Variants in XKR4 observed in about 807,000 individuals in gnomAD.
The protein encoded by XKR4 is XK-related protein 4.
In XKR4, 12 loss-of-function variants were observed where a neutral mutation model predicts 53.9. The ratio of observed to expected loss-of-function variants is 0.22; its 90% confidence interval spans 0.14 to 0.36. The LOEUF (loss-of-function observed/expected upper bound fraction) is 0.36. Among genes scored for constraint, XKR4 ranks in the 10% least tolerant of loss-of-function variants. The probability of loss-of-function intolerance (pLI) is 1.00; values close to 1 mark genes in which losing one functional copy is unlikely to be tolerated. For synonymous variants in XKR4, 354 were observed against 362.4 expected, an observed-to-expected ratio of 0.98 and a Z score of 0.26; for missense variants, 799 against 859.5, an observed-to-expected ratio of 0.93 and a Z score of 0.88.
chr8:55,164,648 CAT>C (rs1295847124), intron 1 of XKR4: 48 of 316,768 alleles, frequency 1.5e-4, no homozygotes, highest in Admixed American at 9.9e-4. Context: ...ATTTTCCACA[CAT>C]GTTTTAAGTT....
At chr8:55,135,606 T>C (rs1359749151) in intron 1 of XKR4, 1 of 456,128 alleles carries the variant, frequency 2.2e-6, no homozygotes, top group African/African-American at 2.0e-5. Context: ...ATCGGAGCTG[T>C]CTACTGAGGA....
chr8:55,529,169 T>C lies in XKR4; in HGVS notation c.*4942T>C, dbSNP rs1806916055. ...TAATTTTGCTAATTGAAGCAATTAG[T>C]CTAACATGCAAGCAGCCTGCTCTCA... On this transcript the variant is annotated 3_prime_UTR_variant, in exon 3 of 3. Coordinates refer to ENST00000327381, the MANE Select transcript of XKR4 (RefSeq NM_052898.2). The C allele has an allele frequency of 6.6e-6, 1 of 151,606 alleles. No homozygotes were observed. The highest frequency in any genetic ancestry group is 1.5e-5 in the Non-Finnish European group (1 of 67,938). 9.4% of individuals were successfully genotyped at this position (151,606 alleles called of 1,614,324 possible).
intron 2 of XKR4, among the ~76,000 whole-genome samples, chr8:55,407,713 A>G (rs1804708072): frequency 1.3e-5 from 2 of 152,248 alleles, no homozygotes; most frequent in South Asian, 4.1e-4. Context: ...AGAGGTGCTC[A>G]CGGAAAAGAC....
At chr8:55,141,430 C>T (rs1324992924) in intron 1 of XKR4, among the ~76,000 whole-genome samples, 1 of 152,106 alleles carries the variant, frequency 6.6e-6, no homozygotes, top group African/African-American at 2.4e-5. Flanking sequence ...TCCTCACCTT[C>T]CGTCTCTACT....
intron 2 of XKR4, among the ~76,000 whole-genome samples, chr8:55,367,187 G>T (rs1018892698): frequency 1.3e-5 from 2 of 152,000 alleles, no homozygotes; most frequent in Admixed American, 1.3e-4. Flanking sequence ...GAAAAAATTA[G>T]TTTTGCAAGT....
intron 1 of XKR4, among the ~76,000 whole-genome samples, chr8:55,291,468 A>G (rs559702158): frequency 1.8e-4 from 27 of 152,316 alleles, no homozygotes; most frequent in African/African-American, 6.5e-4. Flanking sequence ...TGCCATCTTT[A>G]CTATGCTGAC....
chr8:55,289,083 T>C (rs950529122), intron 1 of XKR4, among the ~76,000 whole-genome samples: 28 of 152,308 alleles, frequency 1.8e-4, no homozygotes, highest in African/African-American at 6.3e-4. Flanking sequence ...CAAGGGTAGT[T>C]TCCAGTTTTT....
At chr8:55,450,484 G>C (rs548693249) in intron 2 of XKR4, 10 of 617,604 alleles carry the variant, frequency 1.6e-5, no homozygotes, top group South Asian at 1.1e-4. Context: ...CCTTCTCCTC[G>C]TACAGCAGCC....
At chr8:55,256,089 G>A (rs1305172033) in intron 1 of XKR4, among the ~76,000 whole-genome samples, 1 of 151,808 alleles carries the variant, frequency 6.6e-6, no homozygotes, top group Non-Finnish European at 1.5e-5. Flanking sequence ...GCTCAGGGGA[G>A]CTGAAGGATG....
chr8:55,193,528 C>T (rs1817469747), intron 1 of XKR4, among the ~76,000 whole-genome samples: 1 of 152,154 alleles, frequency 6.6e-6, no homozygotes, highest in Admixed American at 6.5e-5. Flanking sequence ...GGCTGGGGCC[C>T]CCTTCTGGGC....
chr8:55,105,214 A>G (rs2129350369), intron 1 of XKR4, among the ~76,000 whole-genome samples: 1 of 152,296 alleles, frequency 6.6e-6, no homozygotes. Flanking sequence ...CCCCAATTGA[A>G]AAATGATTCT....
intron 1 of XKR4, among the ~76,000 whole-genome samples, chr8:55,124,508 G>A (rs571949783): frequency 1.8e-4 from 27 of 152,074 alleles, no homozygotes; most frequent in Middle Eastern, 3.2e-3. Flanking sequence ...GTATCTCCTC[G>A]CATTCAGTTG....
intron 2 of XKR4, among the ~76,000 whole-genome samples, chr8:55,398,366 G>A (rs975588877): frequency 6.6e-6 from 1 of 152,082 alleles, no homozygotes; most frequent in African/African-American, 2.4e-5. Flanking sequence ...AAAGGTTCTT[G>A]TTTAGATATT....
At chr8:55,116,628 C>T (rs1222560001) in intron 1 of XKR4, among the ~76,000 whole-genome samples, 1 of 152,126 alleles carries the variant, frequency 6.6e-6, no homozygotes, top group Admixed American at 6.5e-5. Flanking sequence ...TTCCTTATTT[C>T]ACATTAAACA....
At chr8:55,157,643 T>C (rs1261828835) in intron 1 of XKR4, among the ~76,000 whole-genome samples, 1 of 152,160 alleles carries the variant, frequency 6.6e-6, no homozygotes, top group African/African-American at 2.4e-5. Flanking sequence ...TAGTACCTGA[T>C]GGGTAGTTTT....
At chr8:55,237,530 G>A (rs549966009) in intron 1 of XKR4, among the ~76,000 whole-genome samples, 1 of 152,306 alleles carries the variant, frequency 6.6e-6, no homozygotes, top group South Asian at 2.1e-4. Context: ...GAAGGTGAAG[G>A]AAGAGGAGGG....
intron 2 of XKR4, among the ~76,000 whole-genome samples, chr8:55,371,634 T>C (rs1364782365): frequency 2.0e-5 from 3 of 152,184 alleles, no homozygotes; most frequent in Admixed American, 6.5e-5. Context: ...CAAAACTCAC[T>C]GGTGTGTTGG....
intron 1 of XKR4, among the ~76,000 whole-genome samples, chr8:55,184,565 T>C (rs2129360210): frequency 6.6e-6 from 1 of 152,342 alleles, no homozygotes; most frequent in Non-Finnish European, 1.5e-5. Context: ...ATTTTTCTGC[T>C]GTTTTCTTTC....
chr8:55,161,467 G>C (rs2129357093), intron 1 of XKR4: 2 of 451,440 alleles, frequency 4.4e-6, no homozygotes, highest in Admixed American at 4.7e-5. Flanking sequence ...GCACCTGCTG[G>C]GCTGGGCAGT....
Sources: gnomAD v4.1 joint callset for allele counts (sites outside exome capture counted in the v4.1 genomes callset) on GRCh38, gnomAD v4.1.1 for gene constraint, MANE v1.5 for transcripts, NCBI Gene and HGNC (gene_info 2026-07-23, HGNC 2026-07-21) for gene names.